Variants in NBAS observed in about 807,000 individuals in gnomAD.
NBAS encodes NBAS subunit of NRZ tethering complex, also known as NAG/BC035112 fusion.
Under a neutral mutation model 302.5 loss-of-function variants are expected in NBAS, and 219 were observed. The ratio of observed to expected loss-of-function variants is 0.72; its 90% CI spans 0.65 to 0.81. NBAS has a LOEUF of 0.81. NBAS is among the 30% of genes least tolerant of loss of function. The probability of loss-of-function intolerance (pLI) is 0.00; values close to 1 mark genes in which losing one functional copy is unlikely to be tolerated. For synonymous variants in NBAS, 1,118 were observed against 1,021.6 expected, an observed-to-expected ratio of 1.09 and a Z score of -1.80; for missense variants, 2,932 against 2,841.6, an observed-to-expected ratio of 1.03 and a Z score of -0.72.
intron 41 of NBAS, among the ~76,000 whole-genome samples, chr2:15,289,829 C>T (rs1395986237): frequency 6.6e-6 from 1 of 152,030 alleles, no homozygotes; most frequent in Non-Finnish European, 1.5e-5. Context: ...AACCCTGTCT[C>T]TACTGAAAAT....
the NBAS span, among the ~76,000 whole-genome samples, chr2:14,994,193 A>G: frequency 6.6e-6 from 1 of 152,212 alleles, no homozygotes; most frequent in Admixed American, 6.5e-5. Context: ...CAATAAGTGT[A>G]TGTTTAACAG....
At chr2:15,132,156 C>G in the NBAS span, among the ~76,000 whole-genome samples, 2 of 152,234 alleles carry the variant, frequency 1.3e-5, no homozygotes, top group South Asian at 4.2e-4. Flanking sequence ...TTCACAATAG[C>G]CAAAACTTGG....
chr2:15,304,089 C>T (rs1670925975), intron 40 of NBAS, among the ~76,000 whole-genome samples: 1 of 152,068 alleles, frequency 6.6e-6, no homozygotes, highest in South Asian at 2.1e-4. Flanking sequence ...GGTTTGTGTC[C>T]CCACCCAAAC....
chr2:14,994,579 A>T, the NBAS span, among the ~76,000 whole-genome samples: 1 of 152,270 alleles, frequency 6.6e-6, no homozygotes, highest in East Asian at 1.9e-4. Flanking sequence ...ATTCTCTTCT[A>T]ACAAGGTTCC....
intron 28 of NBAS, among the ~76,000 whole-genome samples, chr2:15,392,038 A>G (rs1675633735): frequency 5.3e-5 from 8 of 151,852 alleles, no homozygotes; most frequent in Admixed American, 5.2e-4. Context: ...AAAAATTAAA[A>G]GAAGCCTTCC....
chr2:15,561,047 T>C (rs1365778430), intron 1 of NBAS, 141 bp downstream of exon 1: 1 of 438,554 alleles, frequency 2.3e-6, no homozygotes, highest in South Asian at 1.7e-5. Flanking sequence ...CAAGGTGCCG[T>C]TGCCAAGGCG....
At chr2:15,050,746 A>C in the NBAS span, among the ~76,000 whole-genome samples, 2 of 152,016 alleles carry the variant, frequency 1.3e-5, no homozygotes. Context: ...GGGTGCCTGG[A>C]ACCCGGGTTC....
At chr2:15,393,000 T>C (rs749049700) in intron 28 of NBAS, among the ~76,000 whole-genome samples, 1 of 151,940 alleles carries the variant, frequency 6.6e-6, no homozygotes, top group Non-Finnish European at 1.5e-5. Context: ...GCAAAGGTAA[T>C]TCAGTAGAGA....
chr2:15,344,943 C>A (rs1025084385), intron 35 of NBAS, among the ~76,000 whole-genome samples: 8 of 152,068 alleles, frequency 5.3e-5, no homozygotes, highest in Admixed American at 4.6e-4. Context: ...CAGAAAAGGC[C>A]TTTGATAAAA....
At chr2:14,928,430 C>T in the NBAS span, among the ~76,000 whole-genome samples, 12 of 152,164 alleles carry the variant, frequency 7.9e-5, no homozygotes, top group Non-Finnish European at 1.8e-4. Context: ...GTTTACATCA[C>T]ACTTGGGAAG....
the NBAS span, among the ~76,000 whole-genome samples, chr2:15,036,661 C>A: frequency 0.8 from 122,031 of 152,122 alleles, 49,472 homozygotes; most frequent in East Asian, 1. Flanking sequence ...AGAGAATCAG[C>A]AGAGTGACTT....
the NBAS span, among the ~76,000 whole-genome samples, chr2:15,126,447 C>T: frequency 1.3e-5 from 2 of 152,112 alleles, no homozygotes; most frequent in South Asian, 2.1e-4. Flanking sequence ...GGGAAAGTGG[C>T]CACTAAGGAA....
At chr2:15,546,534 G>A (rs1664123985) in intron 6 of NBAS, among the ~76,000 whole-genome samples, 1 of 152,238 alleles carries the variant, frequency 6.6e-6, no homozygotes, top group South Asian at 2.1e-4. Flanking sequence ...TTCGAGACCA[G>A]CCTGACCAAC....
intron 42 of NBAS, 41 bp from the exon 43 acceptor site, chr2:15,277,142 C>A: frequency 6.4e-7 from 1 of 1,573,036 alleles, no homozygotes; most frequent in Non-Finnish European, 8.5e-7. Flanking sequence ...AGATTTTGTT[C>A]CTTTATTAAA....
intron 25 of NBAS, among the ~76,000 whole-genome samples, chr2:15,409,959 G>C (rs1002946675): frequency 6.6e-6 from 1 of 152,198 alleles, no homozygotes; most frequent in Non-Finnish European, 1.5e-5. Flanking sequence ...ACAGGTCACA[G>C]AGGCGTATTA....
chr2:15,175,406 G>A (rs539991011), intron 51 of NBAS, among the ~76,000 whole-genome samples: 5 of 152,238 alleles, frequency 3.3e-5, no homozygotes, highest in Middle Eastern at 6.8e-3. Flanking sequence ...GTTACAAATC[G>A]GGAATTACAA....
the NBAS span, among the ~76,000 whole-genome samples, chr2:15,122,459 C>T: frequency 6.6e-6 from 1 of 152,162 alleles, no homozygotes; most frequent in African/African-American, 2.4e-5. Flanking sequence ...CAAAAACTCG[C>T]TCATCAGCAA....
chr2:15,084,409 A>T, the NBAS span, among the ~76,000 whole-genome samples: 1 of 152,194 alleles, frequency 6.6e-6, no homozygotes, highest in Non-Finnish European at 1.5e-5. Flanking sequence ...AAAAACAAAA[A>T]CAAAACAAAA....
chr2:14,959,824 G>A, the NBAS span, among the ~76,000 whole-genome samples: 5 of 152,184 alleles, frequency 3.3e-5, no homozygotes, highest in South Asian at 2.1e-4. Flanking sequence ...AGCATTCCCC[G>A]TCTCCCCCAG....
Sources: allele counts gnomAD v4.1 joint callset (sites outside exome capture counted in the v4.1 genomes callset), GRCh38; gene constraint gnomAD v4.1.1; transcripts MANE v1.5; gene names NCBI Gene and HGNC (gene_info 2026-07-23, HGNC 2026-07-21).